Variants in CCDC192 observed in about 807,000 individuals in gnomAD.
CCDC192 encodes coiled-coil domain-containing protein 192.
intron 2 of CCDC192, chr5:127,739,544 C>CAAAA (rs1220373092): frequency 6.2e-6 from 1 of 161,024 alleles, no homozygotes; most frequent in Non-Finnish European, 1.3e-5. Flanking sequence ...TGCCGCCTTG[C>CAAAA]AGTTTGATCT....
chr5:127,733,302 G>C (rs1041317828), intron 2 of CCDC192, among the ~76,000 whole-genome samples: 1 of 152,154 alleles, frequency 6.6e-6, no homozygotes, highest in East Asian at 1.9e-4. Context: ...CCTACAGCTT[G>C]ATGAGAGAAT....
intron 5 of CCDC192, among the ~76,000 whole-genome samples, chr5:127,849,314 G>A: frequency 6.6e-6 from 1 of 151,974 alleles, no homozygotes; most frequent in East Asian, 1.9e-4. Context: ...CAGTTCTACA[G>A]CCAGGATTCC....
chr5:127,797,754 T>C (rs1757245556), intron 4 of CCDC192, among the ~76,000 whole-genome samples: 1 of 138,116 alleles, frequency 7.2e-6, no homozygotes, highest in East Asian at 2.0e-4. Flanking sequence ...TATATATATA[T>C]ATATATATAT....
intron 5 of CCDC192, among the ~76,000 whole-genome samples, chr5:127,824,285 T>C (rs1390223148): frequency 4.6e-5 from 7 of 152,134 alleles, no homozygotes; most frequent in Admixed American, 4.6e-4. Flanking sequence ...AATGTAACCT[T>C]TAGTTTTGAT....
chr5:127,842,161 C>T (rs1457508676), intron 5 of CCDC192, among the ~76,000 whole-genome samples: 1 of 152,200 alleles, frequency 6.6e-6, no homozygotes, highest in Non-Finnish European at 1.5e-5. Flanking sequence ...TCAGAAGGAC[C>T]CACACCTGGT....
At chr5:127,795,289 C>CA (rs762627670) in intron 3 of CCDC192, among the ~76,000 whole-genome samples, 4,255 of 76,196 alleles carry the variant, frequency 0.056, 162 homozygotes, top group African/African-American at 0.12. Context: ...GACTCTATCT[C>CA]AAAAAAAAAA....
chr5:127,767,420 TA>T (rs1054517912), intron 3 of CCDC192, among the ~76,000 whole-genome samples: 1 of 152,232 alleles, frequency 6.6e-6, no homozygotes, highest in African/African-American at 2.4e-5. Context: ...AAAAATGTGC[TA>T]TTTTTTGTAC....
At chr5:127,897,338 G>C (rs1047307497) in intron 6 of CCDC192, among the ~76,000 whole-genome samples, 4 of 150,912 alleles carry the variant, frequency 2.7e-5, no homozygotes, top group African/African-American at 9.8e-5. Flanking sequence ...ATGCCAAAAA[G>C]GGATATGATG....
At chr5:127,936,527 C>T (rs375681473) in intron 6 of CCDC192, among the ~76,000 whole-genome samples, 27 of 152,230 alleles carry the variant, frequency 1.8e-4, no homozygotes, top group African/African-American at 5.1e-4. Context: ...AGTCTTTTTG[C>T]GAGAACTGTA....
rs558278973 is a variant in CCDC192, at chr5:127,919,031, ATATG to A, written c.536-22149_536-22146del. Among the ~76,000 whole-genome samples the A allele has an allele frequency of 3.4e-3, 503 of 149,804 alleles. 2 individuals carry two copies. The highest frequency in any genetic ancestry group is 7.6e-3 in the Admixed American group (114 of 14,976). On this transcript the variant is annotated intron_variant, in intron 6 of 6. Transcript: ENST00000514853. ...TGTATATATGTGTGTGTATGTGTAT[ATATG>A]TGTGTATATATCTGTGTGTGTATGT...
At position 127,837,591 on chromosome 5, in the gene CCDC192, C is replaced by T. The variant is rs1318037986; in HGVS notation, c.412-37947C>T. On this transcript the variant is annotated intron_variant, in intron 5 of 6. Coordinates refer to ENST00000514853, the MANE Select transcript of CCDC192 (RefSeq NM_001317938.2). ...GCCTAACCATATCAGAATGTAAACA[C>T]TTTGTGCACAGGGATTACACTTCAC... Among the ~76,000 whole-genome samples the T allele has an allele frequency of 1.3e-5, 2 of 152,098 alleles. 1 individual carries two copies. The highest frequency in any genetic ancestry group is 2.9e-5 in the Non-Finnish European group (2 of 68,028).
intron 5 of CCDC192, among the ~76,000 whole-genome samples, chr5:127,820,256 G>T (rs1441865415): frequency 6.6e-6 from 1 of 152,106 alleles, no homozygotes; most frequent in Non-Finnish European, 1.5e-5. Flanking sequence ...TGAATATTTG[G>T]CCAGAAGGTC....
At chr5:127,749,430 T>C (rs1753991100) in intron 2 of CCDC192, among the ~76,000 whole-genome samples, 1 of 152,000 alleles carries the variant, frequency 6.6e-6, no homozygotes, top group African/African-American at 2.4e-5. Context: ...GATTTGCGTA[T>C]ATTGAACCAG....
intron 5 of CCDC192, among the ~76,000 whole-genome samples, chr5:127,814,442 T>G (rs1758263298): frequency 6.6e-6 from 1 of 152,160 alleles, no homozygotes; most frequent in Non-Finnish European, 1.5e-5. Context: ...CAAAGAACTC[T>G]GCCATGGTAA....
In CCDC192 at chr5:127,890,454, A is replaced by T. The variant is rs1019919948; in HGVS notation, c.535+14793A>T. Among the ~76,000 whole-genome samples the T allele has an allele frequency of 2.5e-3, 173 of 69,940 alleles. 2 individuals are homozygous for T. The highest frequency in any genetic ancestry group is 0.011 in the African/African-American group (160 of 15,196). 45.9% of individuals were successfully genotyped at this position (69,940 alleles called of 152,430 possible). A position where few individuals can be genotyped will look rare whatever the true frequency, so the allele number is the denominator to read the frequency against. On this transcript the variant is annotated intron_variant, in intron 6 of 6. Coordinates refer to ENST00000514853, the MANE Select transcript of CCDC192 (RefSeq NM_001317938.2). Reference sequence around the variant, plus strand: ...AATGGCAGTGAGAGACCCTGTATTTAAAAAAAAAAAAAAAAAGGCTTAGGA... The same window carrying T: ...AATGGCAGTGAGAGACCCTGTATTTTAAAAAAAAAAAAAAAAGGCTTAGGA...
intron 3 of CCDC192, chr5:127,787,171 G>T: frequency 4.7e-6 from 1 of 214,616 alleles, no homozygotes; most frequent in Non-Finnish European, 9.8e-6. Context: ...TGTCCTTTAA[G>T]TGTAGAGAGT....
chr5:127,706,511 A>G (rs935532450), intron 1 of CCDC192, among the ~76,000 whole-genome samples: 16 of 146,990 alleles, frequency 1.1e-4, no homozygotes, highest in African/African-American at 4.1e-4. Context: ...GTGACAGAGC[A>G]AGACTCCATC....
At chr5:127,880,307 A>G (rs1382339028) in intron 6 of CCDC192, among the ~76,000 whole-genome samples, 1 of 152,096 alleles carries the variant, frequency 6.6e-6, no homozygotes, top group African/African-American at 2.4e-5. Context: ...TTGTAGGGAC[A>G]TGGATGAAAT....
chr5:127,856,426 A>G (rs1175647290), intron 5 of CCDC192, among the ~76,000 whole-genome samples: 1 of 152,160 alleles, frequency 6.6e-6, no homozygotes, highest in Non-Finnish European at 1.5e-5. Flanking sequence ...TAGACTACTC[A>G]CATTTTCTCC....
Sources: gnomAD v4.1 joint callset for allele counts (sites outside exome capture counted in the v4.1 genomes callset) on GRCh38, gnomAD v4.1.1 for gene constraint, MANE v1.5 for transcripts, NCBI Gene and HGNC (gene_info 2026-07-23, HGNC 2026-07-21) for gene names.